DDX60L: variants seen among roughly 807,000 people sequenced by gnomAD.
The protein encoded by DDX60L is DExD/H-box 60 like, also known as probable ATP-dependent RNA helicase DDX60-like.
DDX60L carries 191 observed loss-of-function variants against 211.6 expected under a neutral mutation model. The ratio of observed to expected loss-of-function variants is 0.90; its 90% CI spans 0.80 to 1.02. The LOEUF (loss-of-function observed/expected upper bound fraction) is 1.02. DDX60L is among the 50% of genes least tolerant of loss of function. The pLI, the probability that DDX60L is intolerant of heterozygous loss-of-function variation, is 0.00. For missense variants in DDX60L, 2,007 were observed against 1,984.1 expected, an observed-to-expected ratio of 1.01 and a Z score of -0.22; for synonymous variants, 706 against 694.1, an observed-to-expected ratio of 1.02 and a Z score of -0.27.
intron 33 of DDX60L, 120 bp downstream of exon 33, chr4:168,378,234 C>A: frequency 1.9e-6 from 1 of 512,964 alleles, no homozygotes; most frequent in Non-Finnish European, 3.2e-6. Flanking sequence ...GAAAAGACAA[C>A]ACTATTAAAA....
chr4:168,398,606 T>G (rs1234142791), intron 26 of DDX60L, among the ~76,000 whole-genome samples: 1 of 152,016 alleles, frequency 6.6e-6, no homozygotes. Context: ...TGGACCAGAG[T>G]GGGAACTTAA....
At chr4:168,396,458 G>A (rs1037225091) in intron 26 of DDX60L, among the ~76,000 whole-genome samples, 8 of 152,122 alleles carry the variant, frequency 5.3e-5, no homozygotes, top group Admixed American at 2.0e-4. Context: ...AGCAAAGGGG[G>A]CGGGGTGTGT....
rs748422357 is a variant in DDX60L at position 168,423,765 on chromosome 4, G to C, written c.1940C>G (p.Ser647Trp). ...TTGAACAGCTATACTTAAATCTTTC[G>C]AAATTTTGCCTTGTTAAAGAAACAA... ...KKHCRGEGKI[S>W]KDLSIAVQMM... The change falls in exon 15 of 38, where the codon TCG (serine) becomes TGG (tryptophan). Residue 647 changes from serine to tryptophan, a missense_variant. Transcript: ENST00000682922. 6.4e-7 allele frequency: 1 copy of C among 1,567,410 alleles called. No homozygotes were observed. The highest frequency in any genetic ancestry group is 1.4e-5 in the African/African-American group (1 of 72,008).
intron 10 of DDX60L, among the ~76,000 whole-genome samples, chr4:168,438,985 G>T (rs1157323991): frequency 6.6e-6 from 1 of 152,204 alleles, no homozygotes; most frequent in Non-Finnish European, 1.5e-5. Flanking sequence ...GGATATCAAA[G>T]CAGACGAGTG....
At chr4:168,449,652 C>CAAAAAAAAAAAAAAAAAAAAAAAAAT in intron 8 of DDX60L, among the ~76,000 whole-genome samples, 1 of 7,934 alleles carries the variant, frequency 1.3e-4, no homozygotes, top group Non-Finnish European at 2.3e-4. Context: ...AAAAAAAATG[C>CAAAAAAAAAAAAAAAAAAAAAAAAAT]AAAAAAAAAA....
Position 168,461,717 on chromosome 4 carries a change from G to A in DDX60L, c.588C>T (p.Asn196=), listed in dbSNP as rs766515820. ...YAYTMESTDR[N]QTFSKENETV... ...CAATTACCTCCTTGGAAAAAGTTTG[G>A]TTTCTGTCTGTGCTTTCCATAGTAT... Residue 196 remains asparagine, a synonymous_variant, in exon 5 of 38, where the codon AAC becomes AAT. Coordinates refer to ENST00000682922, the MANE Select transcript of DDX60L (RefSeq NM_001012967.3). 4 of 1,546,020 alleles carry A rather than the reference G, an allele frequency of 2.6e-6. No homozygotes were observed. Among genetic ancestry groups the A allele is most frequent in the Non-Finnish European group, 3.5e-6 (4 of 1,144,014 alleles).
chr4:168,435,378 C>T (rs1752897777), intron 10 of DDX60L, among the ~76,000 whole-genome samples: 2 of 152,084 alleles, frequency 1.3e-5, no homozygotes, highest in Admixed American at 6.5e-5. Flanking sequence ...GAGATTAATG[C>T]CACTATTAAG....
At chr4:168,379,059 G>A (rs1742459865) in intron 32 of DDX60L, among the ~76,000 whole-genome samples, 1 of 152,194 alleles carries the variant, frequency 6.6e-6, no homozygotes, top group African/African-American at 2.4e-5. Flanking sequence ...GGGCTCTGAA[G>A]CATACTAAAA....
At chr4:168,422,697 T>A (rs1184574772) in intron 15 of DDX60L, 27 bp from the exon 16 acceptor site, 4 of 1,496,944 alleles carry the variant, frequency 2.7e-6, no homozygotes, top group Non-Finnish European at 1.8e-6. Context: ...TTATTTGAAA[T>A]CAACTTAAAC....
chr4:168,388,015 A>G (rs1188132451), intron 29 of DDX60L, among the ~76,000 whole-genome samples: 2 of 152,278 alleles, frequency 1.3e-5, no homozygotes, highest in Middle Eastern at 3.4e-3. Context: ...CACAACTGAA[A>G]ATGACAGCCT....
intron 8 of DDX60L, among the ~76,000 whole-genome samples, chr4:168,449,665 A>AAAAAAAAAAAAAAAAAAAC (rs1755474696): frequency 3.5e-5 from 1 of 28,500 alleles, no homozygotes; most frequent in Non-Finnish European, 6.0e-5. Flanking sequence ...AAAAAAAAAA[A>AAAAAAAAAAAAAAAAAAAC]GAAAAAAGAA....
Position 168,403,995 on chromosome 4 carries a change from C to T in DDX60L, c.3325G>A (p.Ala1109Thr). ...EKLRQMDKLP[A>T]IFFLFKNDDV... ...TCAGTTACTTACAAAAAAAATATTG[C>T]AGGCAACTTATCCATTTGTCTTAAC... The change falls in exon 25 of 38, where the codon GCA becomes ACA. Residue 1109 changes from alanine (A) to threonine (T), a missense_variant. Transcript: ENST00000682922. 6.9e-7 allele frequency: 1 copy of T among 1,458,290 alleles called. No homozygotes were observed. Among genetic ancestry groups the T allele is most frequent in the Non-Finnish European group, 9.2e-7 (1 of 1,088,616 alleles). 90.3% of individuals were successfully genotyped at this position (1,458,290 alleles called of 1,614,324 possible).
chr4:168,453,080 T>C, intron 8 of DDX60L, 44 bp downstream of exon 8: 1 of 1,540,810 alleles, frequency 6.5e-7, no homozygotes. Flanking sequence ...GATCATGGTT[T>C]TCATCTCTCA....
intron 25 of DDX60L, among the ~76,000 whole-genome samples, chr4:168,401,488 G>T (rs145753127): frequency 6.6e-6 from 1 of 152,352 alleles, no homozygotes. Flanking sequence ...AAACCAAGCT[G>T]TAGCCCTTGG....
Position 168,441,477 on chromosome 4 carries a change from A to G in DDX60L, c.1154T>C (p.Leu385Ser). 1 of 1,600,994 alleles carries G rather than the reference A, an allele frequency of 6.2e-7. No individual in the cohort carries two copies. The highest frequency in any genetic ancestry group is 8.5e-7 in the Non-Finnish European group (1 of 1,174,242). The change falls in exon 10 of 38, where the codon TTG (leucine) becomes TCG (serine). Residue 385 changes from leucine (L) to serine (S), a missense_variant. Coordinates refer to ENST00000682922, the MANE Select transcript of DDX60L (RefSeq NM_001012967.3). Reference protein sequence around the residue: ...FESTQEPHLNLGDSIRRDYED... With the variant: ...FESTQEPHLNSGDSIRRDYED... ...ATAATCCCTCCTAATGGAATCTCCCAAATTCAAATGTGGTTCTGCATAACA... is the reference window on the plus strand; with the variant it reads ...ATAATCCCTCCTAATGGAATCTCCCGAATTCAAATGTGGTTCTGCATAACA...
At chr4:168,457,672 T>C (rs947857363) in intron 6 of DDX60L, among the ~76,000 whole-genome samples, 3 of 152,156 alleles carry the variant, frequency 2.0e-5, no homozygotes, top group African/African-American at 4.8e-5. Flanking sequence ...AGAGTCTGTT[T>C]TAAAATATGG....
chr4:168,443,662 G>A (rs1309097701), intron 9 of DDX60L, among the ~76,000 whole-genome samples: 2 of 151,192 alleles, frequency 1.3e-5, no homozygotes, highest in Non-Finnish European at 3.0e-5. Context: ...AAGCCCATCA[G>A]ACTAACAGCG....
rs748057918 is a variant in DDX60L, at chr4:168,415,477, T to C, written c.2910A>G (p.Ile970Met). The C allele has an allele frequency of 9.3e-6, 15 of 1,605,362 alleles. No individual in the cohort carries two copies. The highest frequency in any genetic ancestry group is 1.7e-5 in the Admixed American group (1 of 59,450). ...GERYNDLEKHICSVKHDDVYF... is the reference protein window; with the variant it reads ...GERYNDLEKHMCSVKHDDVYF... ...AAACATCATCATGTTTTACTGAACA[T>C]ATATGCTTCTCTAAATCATTGTATC... The change falls in exon 22 of 38, where the codon ATA (isoleucine) becomes ATG (methionine). Residue 970 changes from isoleucine (I) to methionine (M), a missense_variant. Physicochemically the swap from Ile to Met is conservative, Grantham distance 10 (BLOSUM62 1). Transcript: ENST00000682922.
chr4:168,361,049 G>T, intron 37 of DDX60L, 100 bp downstream of exon 37: 1 of 865,358 alleles, frequency 1.2e-6, no homozygotes, highest in Non-Finnish European at 1.9e-6. Context: ...TCTTCAGAGT[G>T]CTCCTTCATG....
Sources: gnomAD v4.1 joint callset for allele counts (sites outside exome capture counted in the v4.1 genomes callset) on GRCh38, gnomAD v4.1.1 for gene constraint, MANE v1.5 for transcripts, NCBI Gene and HGNC (gene_info 2026-07-23, HGNC 2026-07-21) for gene names.